COX7B2: variants seen among roughly 807,000 people sequenced by gnomAD.
The protein encoded by COX7B2 is cytochrome c oxidase subunit 7B2, mitochondrial.
For missense variants in COX7B2, 109 were observed against 95.9 expected (o/e 1.14, Z -0.57); for synonymous variants, 37 against 32.1 (o/e 1.15, Z -0.51).
chr4:46,806,931 T>C (rs1229900006), intron 2 of COX7B2, among the ~76,000 whole-genome samples: 1 of 152,064 alleles, frequency 6.6e-6, no homozygotes, highest in Non-Finnish European at 1.5e-5. Flanking sequence ...ATGGACACTC[T>C]AGATTATTTC....
chr4:46,765,311 T>G (rs754331806), intron 2 of COX7B2, among the ~76,000 whole-genome samples: 5 of 138,208 alleles, frequency 3.6e-5, no homozygotes, highest in African/African-American at 5.2e-5. Context: ...TGGAGAGAGA[T>G]AGCCATTGCA....
At chr4:46,898,158 T>C (rs1418190049) in intron 1 of COX7B2, among the ~76,000 whole-genome samples, 1 of 152,240 alleles carries the variant, frequency 6.6e-6, no homozygotes, top group Non-Finnish European at 1.5e-5. Flanking sequence ...GATATAGTCA[T>C]TGGCCATATC....
At chr4:46,836,632 A>C (rs1715533558) in intron 2 of COX7B2, among the ~76,000 whole-genome samples, 1 of 152,134 alleles carries the variant, frequency 6.6e-6, no homozygotes, top group Non-Finnish European at 1.5e-5. Context: ...ATAATGAATA[A>C]AAAACATAGT....
chr4:46,812,747 G>A (rs1443134711), intron 2 of COX7B2, among the ~76,000 whole-genome samples: 1 of 152,174 alleles, frequency 6.6e-6, no homozygotes, highest in African/African-American at 2.4e-5. Flanking sequence ...CTCAGCCAAT[G>A]CTCTGATTCC....
Position 46,862,730 on chromosome 4 carries a change from G to A in COX7B2, c.-104-17716C>T, listed in dbSNP as rs140481910. ...GATTCTTATTAGGTGTTCACCTAAT[G>A]TTCAGACTTTAAAAATGTTTAATCA... is the stretch of plus-strand genomic sequence containing the variant. On this transcript the variant is annotated intron_variant, in intron 1 of 2. Transcript: ENST00000355591. Among the ~76,000 whole-genome samples, 257 of 152,270 alleles carry A rather than the reference G, an allele frequency of 1.7e-3. 1 individual carries two copies. Among genetic ancestry groups the A allele is most frequent in the African/African-American group, 5.7e-3 (239 of 41,578 alleles).
intron 2 of COX7B2, among the ~76,000 whole-genome samples, chr4:46,735,622 G>A (rs139658468): frequency 3.9e-5 from 6 of 152,048 alleles, no homozygotes; most frequent in Non-Finnish European, 7.4e-5. Context: ...CCTCCTCCTC[G>A]TTTTCTCCCT....
At chr4:46,753,178 C>A (rs1400622034) in intron 2 of COX7B2, among the ~76,000 whole-genome samples, 1 of 152,176 alleles carries the variant, frequency 6.6e-6, no homozygotes, top group African/African-American at 2.4e-5. Context: ...TTATCCATTT[C>A]TTCTAGATTT....
At chr4:46,788,267 T>C (rs1373272063) in intron 2 of COX7B2, among the ~76,000 whole-genome samples, 2 of 152,132 alleles carry the variant, frequency 1.3e-5, no homozygotes, top group African/African-American at 4.8e-5. Context: ...CAAACAATAC[T>C]CAATATGGCA....
At chr4:46,768,892 C>A (rs908448957) in intron 2 of COX7B2, among the ~76,000 whole-genome samples, 1 of 151,770 alleles carries the variant, frequency 6.6e-6, no homozygotes, top group African/African-American at 2.4e-5. Context: ...ACTAATACCA[C>A]AAAAATACAA....
Position 46,868,761 on chromosome 4 carries a change from G to A in COX7B2, c.-104-23747C>T, listed in dbSNP as rs533552034. The stretch of plus-strand genomic sequence containing the variant: ...TGTTTGGTATGATTGTGGTTCTTTC[G>A]CATTTGCTGAGGATTGTTTTATGTC... On this transcript the variant is annotated intron_variant, in intron 1 of 2. Coordinates refer to ENST00000355591, the MANE Select transcript of COX7B2 (RefSeq NM_130902.3). 1.6e-4 allele frequency among the ~76,000 whole-genome samples: 24 copies of A among 152,172 alleles called. No individual in the cohort carries two copies. The East Asian group carries it at 4.4e-3, about 28-fold the overall frequency.
At chr4:46,792,416 A>G (rs573862148) in intron 2 of COX7B2, among the ~76,000 whole-genome samples, 180 of 152,306 alleles carry the variant, frequency 1.2e-3, no homozygotes, top group Non-Finnish European at 2.0e-3. Flanking sequence ...GTCCTCCCCA[A>G]TGAGGGTGAC....
chr4:46,793,592 G>T (rs1415453674), intron 2 of COX7B2, among the ~76,000 whole-genome samples: 1 of 152,158 alleles, frequency 6.6e-6, no homozygotes, highest in East Asian at 1.9e-4. Context: ...ATGAGCTCAC[G>T]GATTCAGATG....
At chr4:46,822,124 G>A (rs1280179268) in intron 2 of COX7B2, among the ~76,000 whole-genome samples, 1 of 152,100 alleles carries the variant, frequency 6.6e-6, no homozygotes, top group Non-Finnish European at 1.5e-5. Flanking sequence ...TGTTGGCCAG[G>A]ATAGTCTCCA....
intron 1 of COX7B2, among the ~76,000 whole-genome samples, chr4:46,906,069 T>C (rs1231778564): frequency 6.6e-6 from 1 of 151,918 alleles, no homozygotes. Flanking sequence ...GACCTCATGA[T>C]CCACCCGCCT....
At chr4:46,898,196 C>T (rs1486740479) in intron 1 of COX7B2, among the ~76,000 whole-genome samples, 1 of 152,184 alleles carries the variant, frequency 6.6e-6, no homozygotes, top group African/African-American at 2.4e-5. Context: ...TAACTTGCCA[C>T]CTTCCCTTCC....
intron 2 of COX7B2, among the ~76,000 whole-genome samples, chr4:46,752,153 C>T (rs1177650506): frequency 6.6e-6 from 1 of 151,914 alleles, no homozygotes; most frequent in Non-Finnish European, 1.5e-5. Flanking sequence ...AAGTTGGATT[C>T]CTAGGTATTT....
chr4:46,872,132 T>A (rs979228173), intron 1 of COX7B2, among the ~76,000 whole-genome samples: 1 of 152,190 alleles, frequency 6.6e-6, no homozygotes, highest in African/African-American at 2.4e-5. Context: ...CATGGAATAC[T>A]ATGCAGCCAT....
chr4:46,772,826 TTAC>T (rs756202969), intron 2 of COX7B2, among the ~76,000 whole-genome samples: 4 of 152,180 alleles, frequency 2.6e-5, no homozygotes, highest in East Asian at 3.8e-4. Flanking sequence ...TAGTGCTTAC[TTAC>T]TCCAGTAGTA....
chr4:46,795,001 T>C (rs1335617686), intron 2 of COX7B2, among the ~76,000 whole-genome samples: 4,738 of 149,490 alleles, frequency 0.032, 289 homozygotes, highest in African/African-American at 0.1. Context: ...AGTCTTCTTT[T>C]GAGAAGTGTC....
Sources: gnomAD v4.1 joint callset for allele counts (sites outside exome capture counted in the v4.1 genomes callset) on GRCh38, gnomAD v4.1.1 for gene constraint, MANE v1.5 for transcripts, NCBI Gene and HGNC (gene_info 2026-07-23, HGNC 2026-07-21) for gene names.